Variants in MYO7B observed in about 807,000 individuals in gnomAD.
MYO7B encodes myosin VIIB, also known as unconventional myosin-VIIb.
A neutral mutation model predicts 259.7 loss-of-function variants in MYO7B; 212 were observed. The observed-to-expected ratio is 0.82, with a 90% CI of 0.73 to 0.91. The LOEUF is 0.91. Among genes scored for constraint, MYO7B ranks in the 40% least tolerant of loss-of-function variants. The pLI is 0.00. For synonymous variants in MYO7B, 1,197 were observed against 1,166.4 expected (o/e 1.03, Z -0.54); for missense variants, 2,732 against 2,813.5 (o/e 0.97, Z 0.66).
At chr2:127,579,263 T>C (rs1385964745) in intron 9 of MYO7B, among the ~76,000 whole-genome samples, 1 of 152,208 alleles carries the variant, frequency 6.6e-6, no homozygotes. Context: ...TAGGGCTGGT[T>C]CCAGAACTAA....
At position 127,597,501 on chromosome 2, in the gene MYO7B, G is replaced by GC. The variant is rs1679816753; in HGVS notation, c.2339+947dup. ...ACCTGTTCTACATTTCTAGAATGTT[G>GC]CCATTGCACAAATGTTATATACGTG... On this transcript the variant is annotated intron_variant, in intron 19 of 47. Transcript: ENST00000409816. The surrounding 1 kb of genome is among the most constrained non-coding windows in gnomAD (Gnocchi z 4.8). 6.6e-6 allele frequency among the ~76,000 whole-genome samples: 1 copy of GC among 152,100 alleles called. No homozygotes were observed. The highest frequency in any genetic ancestry group is 2.1e-4 in the South Asian group (1 of 4,824).
intron 6 of MYO7B, among the ~76,000 whole-genome samples, chr2:127,572,570 TTC>T (rs1430318548): frequency 6.6e-6 from 1 of 151,126 alleles, no homozygotes; most frequent in Admixed American, 6.6e-5. Flanking sequence ...CTTCCTTCCT[TTC>T]TTTTTCTCCT....
intron 44 of MYO7B, 40 bp downstream of exon 44, chr2:127,635,947 T>C: frequency 6.5e-6 from 10 of 1,541,884 alleles, no homozygotes; most frequent in Non-Finnish European, 8.8e-6. Context: ...GTGCTGCTGC[T>C]CCTCCCTGGG....
chr2:127,604,655 A>G (rs1238542871), intron 19 of MYO7B, among the ~76,000 whole-genome samples: 1 of 152,216 alleles, frequency 6.6e-6, no homozygotes, highest in African/African-American at 2.4e-5. Flanking sequence ...AGTGAGAGAC[A>G]TGAGATGCTT....
intron 24 of MYO7B, among the ~76,000 whole-genome samples, chr2:127,610,536 T>C (rs776089077): frequency 6.6e-5 from 10 of 152,248 alleles, no homozygotes; most frequent in Non-Finnish European, 1.3e-4. Context: ...TCCTGACCCA[T>C]GTTCTACCTT....
chr2:127,584,067 A>C lies in MYO7B; in HGVS notation c.1344-55A>C, dbSNP rs1679207965. 1.3e-6 allele frequency: 2 copies of C among 1,514,918 alleles called. No homozygotes were observed. Among genetic ancestry groups the C allele is most frequent in the South Asian group, 2.4e-5 (2 of 84,662 alleles). The allele number at this position is 1,514,918 out of a possible 1,614,324, so 93.8% of individuals were successfully genotyped here. A position where few individuals can be genotyped will look rare whatever the true frequency, so the allele number is the denominator to read the frequency against. On this transcript the variant is annotated intron_variant, in intron 12 of 47. Coordinates refer to ENST00000409816, the MANE Select transcript of MYO7B (RefSeq NM_001393586.1). The surrounding 1 kb of genome is among the most constrained non-coding windows in gnomAD (Gnocchi z 5.8). ...TGATCCTATGGCTCCAGCCTGCTGC[A>C]GCGGGGACTCAGCTGGCCCCACTCC...
intron 34 of MYO7B, among the ~76,000 whole-genome samples, chr2:127,629,423 G>A (rs146539669): frequency 1.1e-4 from 16 of 152,220 alleles, no homozygotes; most frequent in East Asian, 3.9e-4. Context: ...CAGAGCTCTC[G>A]AGCCCCCACC....
rs1383243387 is a variant in MYO7B at position 127,627,780 on chromosome 2, T to G, written c.4460+470T>G. The stretch of plus-strand genomic sequence containing the variant: ...TCCCATGGGTCTCCATGGATCTCAT[T>G]GACTGGGAACTTTTCCATGCCCTTT... On this transcript the variant is annotated intron_variant, in intron 33 of 47. Coordinates refer to ENST00000409816, the MANE Select transcript of MYO7B (RefSeq NM_001393586.1). The surrounding 1 kb of genome is among the most constrained non-coding windows in gnomAD (Gnocchi z 5.6). 4.4e-6 allele frequency: 2 copies of G among 457,906 alleles called. No individual in the cohort carries two copies. Among genetic ancestry groups the G allele is most frequent in the Non-Finnish European group, 4.4e-6 (1 of 227,842 alleles). 28.4% of individuals were successfully genotyped at this position (457,906 alleles called of 1,614,324 possible).
intron 4 of MYO7B, among the ~76,000 whole-genome samples, chr2:127,566,032 G>C (rs1176342140): frequency 3.9e-5 from 6 of 152,270 alleles, no homozygotes; most frequent in African/African-American, 1.4e-4. Flanking sequence ...GAGGAAAGCA[G>C]CTTGTGCTTC....
intron 1 of MYO7B, among the ~76,000 whole-genome samples, chr2:127,540,355 G>C (rs976242904): frequency 6.6e-6 from 1 of 152,050 alleles, no homozygotes; most frequent in Non-Finnish European, 1.5e-5. Context: ...GTAGAGACAG[G>C]GTTTCACCAT....
rs541676386 is a variant in MYO7B at position 127,620,619 on chromosome 2, C to T, written c.3525+153C>T. On this transcript the variant is annotated intron_variant, in intron 27 of 47. Transcript: ENST00000409816. Reference sequence around the variant, plus strand: ...ATGGGCAGCCATGCCTATGCTTCTCCAGGACTCAGTTTCCCCATCTGGAAA... The same window carrying T: ...ATGGGCAGCCATGCCTATGCTTCTCTAGGACTCAGTTTCCCCATCTGGAAA... Among the ~76,000 whole-genome samples the T allele has an allele frequency of 2.1e-3, 316 of 152,366 alleles. 3 individuals carry two copies. The highest frequency in any genetic ancestry group is 6.8e-3 in the African/African-American group (284 of 41,588).
intron 6 of MYO7B, among the ~76,000 whole-genome samples, chr2:127,570,486 C>T (rs1234011195): frequency 1.3e-5 from 2 of 152,230 alleles, no homozygotes; most frequent in African/African-American, 2.4e-5. Context: ...CTCCTGGCTT[C>T]GGCCCCGGTG....
In MYO7B at chr2:127,636,999, G is replaced by A; in HGVS notation, c.6327+86G>A. The A allele has an allele frequency of 2.5e-6, 4 of 1,569,364 alleles. No individual in the cohort carries two copies. Among genetic ancestry groups the A allele is most frequent in the Non-Finnish European group, 3.4e-6 (4 of 1,163,784 alleles). On this transcript the variant is annotated intron_variant, in intron 47 of 47. Coordinates refer to ENST00000409816, the MANE Select transcript of MYO7B (RefSeq NM_001393586.1). The surrounding 1 kb of genome is among the most constrained non-coding windows in gnomAD (Gnocchi z 4.5). ...TCCCCACCCTCACCCCTTTCAAGTGGCTCACTAAGAGGGCTCAGTCACAGG... is the reference window on the plus strand; with the variant it reads ...TCCCCACCCTCACCCCTTTCAAGTGACTCACTAAGAGGGCTCAGTCACAGG...
chr2:127,600,626 C>T (rs748532004), intron 19 of MYO7B, among the ~76,000 whole-genome samples: 2 of 152,196 alleles, frequency 1.3e-5, no homozygotes, highest in African/African-American at 2.4e-5. Flanking sequence ...AGGAGAATCG[C>T]TTGAACCTGG....
intron 19 of MYO7B, among the ~76,000 whole-genome samples, chr2:127,605,425 A>G (rs919473576): frequency 6.6e-6 from 1 of 152,158 alleles, no homozygotes; most frequent in African/African-American, 2.4e-5. Context: ...GTGAAACTCC[A>G]TCTCTACTAA....
chr2:127,629,601 G>A, intron 34 of MYO7B, 44 bp from the exon 35 acceptor site: 1 of 1,573,548 alleles, frequency 6.4e-7, no homozygotes, highest in Non-Finnish European at 8.6e-7. Flanking sequence ...CACAGCCTCT[G>A]GCCCCTGCAG....
In MYO7B at chr2:127,630,869, A is replaced by C; in HGVS notation, c.4898A>C (p.Lys1633Thr). Reference sequence around the variant, plus strand: ...CGTCCTGAGGAGCCACCCAAGGAAAAGCTGCACACCCTGGAGGAGTTCTCC... The same window carrying C: ...CGTCCTGAGGAGCCACCCAAGGAAACGCTGCACACCCTGGAGGAGTTCTCC... ...EPRPEEPPKE[K>T]LHTLEEFSYE... The change falls in exon 36 of 48, where the codon AAG (lysine) becomes ACG (threonine). Residue 1633 changes from lysine to threonine, a missense_variant. Transcript: ENST00000409816. 2 of 1,608,402 alleles carry C rather than the reference A, an allele frequency of 1.2e-6. No individual in the cohort carries two copies. Among genetic ancestry groups the C allele is most frequent in the South Asian group, 2.2e-5 (2 of 90,280 alleles).
intron 42 of MYO7B, 190 bp from the exon 43 acceptor site, chr2:127,634,930 G>A (rs1681717124): frequency 2.8e-5 from 18 of 641,862 alleles, no homozygotes; most frequent in South Asian, 2.4e-4. Flanking sequence ...CTGGGAGTGC[G>A]AGTCCAGGAA....
At chr2:127,621,235 G>A (rs921600981) in intron 27 of MYO7B, among the ~76,000 whole-genome samples, 7 of 151,550 alleles carry the variant, frequency 4.6e-5, no homozygotes, top group African/African-American at 1.5e-4. Context: ...GCATGTTGGG[G>A]ACATGGACTC....
Sources: allele counts gnomAD v4.1 joint callset (sites outside exome capture counted in the v4.1 genomes callset), GRCh38; gene constraint gnomAD v4.1.1; non-coding constraint Gnocchi (gnomAD v3.1); transcripts MANE v1.5; gene names NCBI Gene and HGNC (gene_info 2026-07-23, HGNC 2026-07-21).